The following KLC1 variants were observed in gnomAD, a reference collection of about 807,000 sequenced individuals.
The protein encoded by KLC1 is kinesin 2 60/70kDa.
In KLC1, 30 loss-of-function variants were observed where a neutral mutation model predicts 84.2. The observed-to-expected ratio is 0.36, with a 90% CI of 0.27 to 0.48. The LOEUF is 0.48. KLC1 is among the 20% of genes least tolerant of loss of function. KLC1 has a pLI of 0.99. For synonymous variants in KLC1, 289 were observed against 293.3 expected (o/e 0.99, Z 0.15); for missense variants, 499 against 805.4 (o/e 0.62, Z 4.60).
rs528053674 is a variant in KLC1 at position 103,636,946 on chromosome 14, G to T, written c.-2+7452G>T. Among the ~76,000 whole-genome samples, 64 of 150,538 alleles carry T rather than the reference G, an allele frequency of 4.3e-4. 1 individual carries two copies. The highest frequency in any genetic ancestry group is 1.4e-3 in the African/African-American group (58 of 41,046). ...GGGTTTCACCATGTTAGCCAGGATG[G>T]TCTCGATCTCCTGACCTCGTGATCC... On this transcript the variant is annotated intron_variant, in intron 1 of 16. Transcript: ENST00000334553.
rs185077137 is a variant in KLC1, at chr14:103,660,751, G to A, written c.493-1365G>A. Among the ~76,000 whole-genome samples, 6 of 152,042 alleles carry A rather than the reference G, an allele frequency of 3.9e-5. No homozygotes were observed. In the East Asian group the frequency reaches 5.8e-4, roughly 15 times the overall value. On this transcript the variant is annotated intron_variant, in intron 3 of 16. Transcript: ENST00000334553. ...GGTTGCAGTGAGCCAAGATCATGCCGCTGTACTCCAGCTTGGGTGGCAGAG... is the reference window on the plus strand; with the variant it reads ...GGTTGCAGTGAGCCAAGATCATGCCACTGTACTCCAGCTTGGGTGGCAGAG...
intron 11 of KLC1, 50 bp from the exon 12 acceptor site, chr14:103,677,365 T>G: frequency 9.4e-7 from 1 of 1,067,828 alleles, no homozygotes; most frequent in South Asian, 1.3e-5. Context: ...TGATAGTGGT[T>G]GTTCAGAGCT....
Position 103,701,363 on chromosome 14 carries a change from C to T in KLC1, c.*164C>T. On this transcript the variant is annotated 3_prime_UTR_variant, in exon 17 of 17. Coordinates refer to ENST00000334553, the MANE Select transcript of KLC1 (RefSeq NM_001394837.1). ...GGACATGATACTAATAACCACACGG[C>T]TGGCGTGACCTTGGGGCTGGGGCTG... The T allele has an allele frequency of 1.4e-6, 1 of 708,234 alleles. No individual in the cohort carries two copies. Among genetic ancestry groups the T allele is most frequent in the African/African-American group, 1.8e-5 (1 of 56,788 alleles). The allele number at this position is 708,234 out of a possible 1,614,324, so 43.9% of individuals were successfully genotyped here. A position where few individuals can be genotyped will look rare whatever the true frequency, so the allele number is the denominator to read the frequency against.
intron 1 of KLC1, among the ~76,000 whole-genome samples, chr14:103,631,971 A>C (rs528178777): frequency 6.6e-6 from 1 of 152,316 alleles, no homozygotes; most frequent in African/African-American, 2.4e-5. Flanking sequence ...GGAAGATTTA[A>C]GTGTCAAATT....
rs754617203 is a variant in KLC1 at position 103,685,029 on chromosome 14, G to A, written c.1651-2052G>A. On this transcript the variant is annotated intron_variant, in intron 13 of 16. Coordinates refer to ENST00000334553, the MANE Select transcript of KLC1 (RefSeq NM_001394837.1). Reference sequence around the variant, plus strand: ...GGGCTGGTTAACTGACTTGCTCAGCGTCCCATGGTGAGTCCGAGCGGGCGG... The same window carrying A: ...GGGCTGGTTAACTGACTTGCTCAGCATCCCATGGTGAGTCCGAGCGGGCGG... 1.2e-5 allele frequency: 18 copies of A among 1,475,116 alleles called. No individual in the cohort carries two copies. The East Asian group carries it at 2.7e-4, about 22-fold the overall frequency. The allele number at this position is 1,475,116 out of a possible 1,614,324, so 91.4% of individuals were successfully genotyped here. A position where few individuals can be genotyped will look rare whatever the true frequency, so the allele number is the denominator to read the frequency against.
chr14:103,657,457 A>T, intron 2 of KLC1, 89 bp from the exon 3 acceptor site: 1 of 949,192 alleles, frequency 1.1e-6, no homozygotes. Flanking sequence ...AGTGTAAGCT[A>T]CAGCCCCAGC....
At chr14:103,697,389 AGG>A (rs1286936246) in intron 15 of KLC1, among the ~76,000 whole-genome samples, 1 of 152,056 alleles carries the variant, frequency 6.6e-6, no homozygotes, top group East Asian at 1.9e-4. Context: ...CTCCCACTGT[AGG>A]AGCACCCACA....
At chr14:103,700,983 C>T (rs1202256830) in intron 16 of KLC1, among the ~76,000 whole-genome samples, 6 of 152,204 alleles carry the variant, frequency 3.9e-5, no homozygotes, top group Non-Finnish European at 5.9e-5. Flanking sequence ...TGGCTTCCCC[C>T]GTGCCAGACG....
chr14:103,684,994 A>G (rs1567037435), intron 13 of KLC1: 2 of 1,141,238 alleles, frequency 1.8e-6, no homozygotes, highest in East Asian at 5.1e-5. Flanking sequence ...AGATGAGGAA[A>G]ATGAAGCTCG....
At chr14:103,699,515 C>A (rs1219993160) in intron 15 of KLC1, 2 of 1,613,114 alleles carry the variant, frequency 1.2e-6, no homozygotes, top group South Asian at 1.1e-5. Context: ...GACCACCAGG[C>A]GAGCCATGCC....
chr14:103,670,187 G>A lies in KLC1; in HGVS notation c.891G>A (p.Ala297=), dbSNP rs778492688. The A allele has an allele frequency of 4.3e-6, 7 of 1,610,720 alleles. No homozygotes were observed. Among genetic ancestry groups the A allele is most frequent in the East Asian group, 4.5e-5 (2 of 44,876 alleles). The part of the protein sequence containing the change: ...KTLGKDHPAV[A]ATLNNLAVLY... ...GGTTCTCTCTGTGTTGACAGGTGGC[G>A]GCGACTTTGAATAACCTTGCAGTCC... The change falls in exon 7 of 17, where the codon GCG becomes GCA. Residue 297 remains alanine (A), a synonymous_variant. Coordinates refer to ENST00000334553, the MANE Select transcript of KLC1 (RefSeq NM_001394837.1).
chr14:103,638,821 T>C (rs931174055), intron 1 of KLC1, among the ~76,000 whole-genome samples: 7 of 151,532 alleles, frequency 4.6e-5, no homozygotes, highest in African/African-American at 1.7e-4. Flanking sequence ...CAGTGGTGTG[T>C]GTATGTATGA....
At chr14:103,689,437 A>G (rs1160782531) in intron 14 of KLC1, among the ~76,000 whole-genome samples, 3 of 152,218 alleles carry the variant, frequency 2.0e-5, no homozygotes, top group East Asian at 1.9e-4. Context: ...ACACACTTGC[A>G]CGGACTAACG....
At chr14:103,652,206 A>G (rs1169372277) in intron 1 of KLC1, among the ~76,000 whole-genome samples, 1 of 152,136 alleles carries the variant, frequency 6.6e-6, no homozygotes, top group Non-Finnish European at 1.5e-5. Context: ...CAGTCATAGG[A>G]ACCTCAAAGA....
intron 14 of KLC1, among the ~76,000 whole-genome samples, chr14:103,690,036 C>T (rs192332535): frequency 5.8e-4 from 88 of 152,046 alleles, no homozygotes; most frequent in African/African-American, 2.0e-3. Context: ...AAAAATTAGC[C>T]GGGCCAGGTG....
intron 15 of KLC1, chr14:103,699,861 G>A (rs2082985731): frequency 2.1e-6 from 1 of 486,024 alleles, no homozygotes; most frequent in Non-Finnish European, 3.8e-6. Context: ...ACCGTCCTCT[G>A]TAGAGGTGTC....
chr14:103,670,144 T>C (rs762735480), intron 6 of KLC1, 38 bp from the exon 7 acceptor site: 1 of 1,459,364 alleles, frequency 6.9e-7, no homozygotes, highest in East Asian at 2.3e-5. Context: ...TATTTGGTTA[T>C]CTTTTACCAT....
At position 103,645,270 on chromosome 14, in the gene KLC1, GC is replaced by G. The variant is rs1210471027; in HGVS notation, c.-1-9292del. Among the ~76,000 whole-genome samples the G allele has an allele frequency of 2.0e-5, 3 of 151,230 alleles. No homozygotes were observed. The East Asian group carries it at 5.9e-4, about 30-fold the overall frequency. The stretch of plus-strand genomic sequence containing the variant: ...CTACAGGCGGGAGCCACTGCGCCTG[GC>G]CTGGGGCTGGCCAGATTTCTCGGGA... On this transcript the variant is annotated intron_variant, in intron 1 of 16. Transcript: ENST00000334553.
chr14:103,672,987 C>G (rs780702165), intron 7 of KLC1, 27 bp from the exon 8 acceptor site: 2 of 1,607,766 alleles, frequency 1.2e-6, no homozygotes, highest in African/African-American at 1.3e-5. Flanking sequence ...GAACAAGTGT[C>G]TCTAATATGC....
Sources: gnomAD v4.1 joint callset for allele counts (sites outside exome capture counted in the v4.1 genomes callset) on GRCh38, gnomAD v4.1.1 for gene constraint, MANE v1.5 for transcripts, NCBI Gene and HGNC (gene_info 2026-07-23, HGNC 2026-07-21) for gene names.